R3HDM1: variants seen among roughly 807,000 people sequenced by gnomAD.
R3HDM1 encodes R3H domain-containing protein 1.
In R3HDM1, 46 loss-of-function variants were observed where a neutral mutation model predicts 141.1. The observed-to-expected ratio is 0.33, with a 90% CI of 0.26 to 0.42. The LOEUF (loss-of-function observed/expected upper bound fraction) is 0.42. R3HDM1 is among the 10% of genes least tolerant of loss of function. The pLI, the probability that R3HDM1 is intolerant of heterozygous loss-of-function variation, is 1.00. For synonymous variants in R3HDM1, 435 were observed against 472.9 expected (o/e 0.92, Z 1.04); for missense variants, 1,184 against 1,368.3 (o/e 0.87, Z 2.12).
chr2:135,626,025 A>G lies in R3HDM1; in HGVS notation c.497+3293A>G, dbSNP rs147598698. 3.0e-3 allele frequency among the ~76,000 whole-genome samples: 454 copies of G among 152,326 alleles called. 2 individuals carry two copies. The highest frequency in any genetic ancestry group is 0.01 in the African/African-American group (430 of 41,592). On this transcript the variant is annotated intron_variant, in intron 7 of 26. Transcript: ENST00000683871. ...GAACCCCAACTTGAAGCTGGTAGTC[A>G]GAAGTTCCAGAGGCCTAGACTTGGA...
chr2:135,644,679 T>C (rs1457313756), intron 15 of R3HDM1, among the ~76,000 whole-genome samples: 1 of 152,226 alleles, frequency 6.6e-6, no homozygotes, highest in Non-Finnish European at 1.5e-5. Context: ...AACTAATGAA[T>C]AACTTTCCAA....
chr2:135,651,769 G>A lies in R3HDM1; in HGVS notation c.1765G>A (p.Ala589Thr), dbSNP rs773930922. 6.2e-7 allele frequency: 1 copy of A among 1,613,632 alleles called. No homozygotes were observed. Among genetic ancestry groups the A allele is most frequent in the South Asian group, 1.1e-5 (1 of 90,964 alleles). ...GTCTCAGTTTAGCCACATGAGTCTTGCTCGCCAGCCATCTGCTGATGGTTC... is the reference window on the plus strand; with the variant it reads ...GTCTCAGTTTAGCCACATGAGTCTTACTCGCCAGCCATCTGCTGATGGTTC... Reference protein sequence around the residue: ...LGSQFSHMSLARQPSADGSDP... With the variant: ...LGSQFSHMSLTRQPSADGSDP... Residue 589 changes from alanine (A) to threonine (T), a missense_variant, in exon 18 of 27, where the codon GCT (alanine) becomes ACT (threonine). Physicochemically the swap from Ala to Thr is moderately conservative, Grantham distance 58. Around this residue, in one of 5 missense-constraint regions of R3HDM1, gnomAD observed 563 missense variants for 562.0 expected, o/e 1.00. Coordinates refer to ENST00000683871, the MANE Select transcript of R3HDM1 (RefSeq NM_001378107.1).
In R3HDM1 at chr2:135,709,523, C is replaced by T; in HGVS notation, c.2550C>T (p.Gly850=). ...CATGCAGTTCCCAGCAGCTTCAAGG[C>T]CACCAATGTACAGGTATAAAGAAAT... is the stretch of plus-strand genomic sequence containing the variant. The part of the protein sequence containing the change: ...TSPCSSQQLQ[G]HQCTAGPPPP... The change falls in exon 22 of 27, where the codon GGC becomes GGT. Residue 850 remains glycine, a synonymous_variant. Coordinates refer to ENST00000683871, the MANE Select transcript of R3HDM1 (RefSeq NM_001378107.1). 6.2e-7 allele frequency: 1 copy of T among 1,614,026 alleles called. No homozygotes were observed. The highest frequency in any genetic ancestry group is 8.5e-7 in the Non-Finnish European group (1 of 1,179,936).
chr2:135,534,556 T>G (rs544620274), intron 1 of R3HDM1, among the ~76,000 whole-genome samples: 2 of 152,188 alleles, frequency 1.3e-5, no homozygotes, highest in African/African-American at 4.8e-5. Flanking sequence ...TTAAACAAAT[T>G]TAAGGTTAGC....
intron 21 of R3HDM1, among the ~76,000 whole-genome samples, chr2:135,684,340 T>C (rs550045937): frequency 8.9e-4 from 136 of 152,250 alleles, no homozygotes; most frequent in African/African-American, 3.2e-3. Flanking sequence ...CCGCCCACCG[T>C]GGCCTCCCAA....
rs114378010 is a variant in R3HDM1 at position 135,621,029 on chromosome 2, A to G, written c.304-465A>G. On this transcript the variant is annotated intron_variant, in intron 5 of 26. Coordinates refer to ENST00000683871, the MANE Select transcript of R3HDM1 (RefSeq NM_001378107.1). ...TTTGTACTTAACATTTTTATATGGTAGGAGAATGAAGGAATGTGTGATTAT... is the reference window on the plus strand; with the variant it reads ...TTTGTACTTAACATTTTTATATGGTGGGAGAATGAAGGAATGTGTGATTAT... Among the ~76,000 whole-genome samples the G allele has an allele frequency of 4.1e-3, 620 of 152,192 alleles. 5 individuals are homozygous for G. Among genetic ancestry groups the G allele is most frequent in the African/African-American group, 0.014 (592 of 41,588 alleles).
chr2:135,532,011 G>GCTGCTGCCTCCGCGGCTGCTC (rs1694918156), intron 1 of R3HDM1, among the ~76,000 whole-genome samples: 1 of 152,220 alleles, frequency 6.6e-6, no homozygotes, highest in Non-Finnish European at 1.5e-5. Context: ...CATGGCTGCT[G>GCTGCTGCCTCCGCGGCTGCTC]CTGCTGCCTC....
intron 1 of R3HDM1, among the ~76,000 whole-genome samples, chr2:135,592,293 A>T (rs1227673478): frequency 6.6e-6 from 1 of 152,220 alleles, no homozygotes; most frequent in East Asian, 1.9e-4. Context: ...CCTACTAAGG[A>T]CAAAGGTCAG....
intron 18 of R3HDM1, among the ~76,000 whole-genome samples, chr2:135,657,758 T>C (rs907800621): frequency 2.2e-4 from 34 of 152,218 alleles, no homozygotes; most frequent in Admixed American, 2.2e-3. Flanking sequence ...CTGGATTAGG[T>C]ATTTATTCTT....
chr2:135,637,597 A>T (rs1369833035), intron 11 of R3HDM1, among the ~76,000 whole-genome samples: 1 of 152,142 alleles, frequency 6.6e-6, no homozygotes, highest in African/African-American at 2.4e-5. Context: ...GCAGTGACCC[A>T]AGATGGCACT....
At chr2:135,637,496 A>G (rs1014304821) in intron 11 of R3HDM1, among the ~76,000 whole-genome samples, 7 of 152,068 alleles carry the variant, frequency 4.6e-5, no homozygotes, top group African/African-American at 1.7e-4. Flanking sequence ...TCTCTACAAA[A>G]AATTAGCCAG....
rs777120522 is a variant in R3HDM1 at position 135,651,922 on chromosome 2, C to G, written c.1918C>G (p.Pro640Ala). The G allele has an allele frequency of 1.2e-6, 2 of 1,613,528 alleles. No individual in the cohort carries two copies. Among genetic ancestry groups the G allele is most frequent in the Non-Finnish European group, 1.7e-6 (2 of 1,179,656 alleles). ...GCCACCACCACCACCTCCTCCTCCT[C>G]CCCTACCACCTGGGCAGCCAGTCCC... Reference protein sequence around the residue: ...PPPPPPPPPPPLPPGQPVPTA... With the variant: ...PPPPPPPPPPALPPGQPVPTA... Residue 640 changes from proline (P) to alanine (A), a missense_variant, in exon 18 of 27, where the codon CCC becomes GCC. Coordinates refer to ENST00000683871, the MANE Select transcript of R3HDM1 (RefSeq NM_001378107.1).
Position 135,721,964 on chromosome 2 carries a change from C to T in R3HDM1, c.2922C>T (p.Tyr974=), listed in dbSNP as rs934055395. 1.2e-6 allele frequency: 2 copies of T among 1,613,776 alleles called. No homozygotes were observed. The highest frequency in any genetic ancestry group is 2.7e-5 in the African/African-American group (2 of 74,942). ...RYPLLGQPLQ[Y]NPPAVLHGHI... ...CATTACTTGGCCAGCCACTGCAGTA[C>T]AATCCTCCTGCTGTTCTGCACGGAC... is the stretch of plus-strand genomic sequence containing the variant. The change falls in exon 25 of 27, where the codon TAC becomes TAT. Residue 974 remains tyrosine (Y), a synonymous_variant. Transcript: ENST00000683871.
chr2:135,714,170 T>C (rs2075944299), intron 23 of R3HDM1, among the ~76,000 whole-genome samples: 1 of 152,172 alleles, frequency 6.6e-6, no homozygotes, highest in Non-Finnish European at 1.5e-5. Flanking sequence ...AGAAACCTGA[T>C]AGGCACCATG....
Position 135,663,155 on chromosome 2 carries a change from AT to A in R3HDM1, c.2152+1763del, listed in dbSNP as rs376789073. Among the ~76,000 whole-genome samples, 76 of 129,312 alleles carry A rather than the reference AT, an allele frequency of 5.9e-4. 2 individuals are homozygous for A. Among genetic ancestry groups the A allele is most frequent in the African/African-American group, 1.0e-3 (27 of 27,012 alleles). The allele number at this position is 129,312 out of a possible 152,430, so 84.8% of individuals were successfully genotyped here. A position where few individuals can be genotyped will look rare whatever the true frequency, so the allele number is the denominator to read the frequency against. On this transcript the variant is annotated intron_variant, in intron 19 of 26. Transcript: ENST00000683871. ...CTGCCAAAAAAAAAAAAAAAAAAAA[AT>A]ATGACACTTAATAGAATTCAACTAA...
chr2:135,602,764 A>C, intron 2 of R3HDM1, 56 bp downstream of exon 2: 1 of 1,354,642 alleles, frequency 7.4e-7, no homozygotes, highest in Middle Eastern at 2.3e-4. Context: ...TCTCACCTAT[A>C]AAAAGCAAGA....
intron 1 of R3HDM1, among the ~76,000 whole-genome samples, chr2:135,571,978 T>C (rs182957102): frequency 6.6e-6 from 1 of 151,474 alleles, no homozygotes; most frequent in Admixed American, 6.5e-5. Flanking sequence ...GTGTCTCACT[T>C]CGTCATCCAG....
Position 135,586,754 on chromosome 2 carries a change from C to T in R3HDM1, c.-249-15746C>T, listed in dbSNP as rs928332429. 11 of 985,070 alleles carry T rather than the reference C, an allele frequency of 1.1e-5. No individual in the cohort carries two copies. The African/African-American group carries it at 1.6e-4, about 14-fold the overall frequency. 61.0% of individuals were successfully genotyped at this position (985,070 alleles called of 1,614,324 possible). Reference sequence around the variant, plus strand: ...ACCAATTTCTTCTCCCCACCCCTCACATGTTTGATATTTCTTGTAACTTAC... The same window carrying T: ...ACCAATTTCTTCTCCCCACCCCTCATATGTTTGATATTTCTTGTAACTTAC... On this transcript the variant is annotated intron_variant, in intron 1 of 26. Coordinates refer to ENST00000683871, the MANE Select transcript of R3HDM1 (RefSeq NM_001378107.1).
intron 21 of R3HDM1, among the ~76,000 whole-genome samples, chr2:135,701,164 C>T (rs1029723183): frequency 1.3e-5 from 2 of 148,464 alleles, no homozygotes; most frequent in South Asian, 2.2e-4. Context: ...ATGGGAGAAT[C>T]GCTTGAGGCC....
Sources: allele counts gnomAD v4.1 joint callset (sites outside exome capture counted in the v4.1 genomes callset), GRCh38; gene constraint gnomAD v4.1.1; regional missense constraint gnomAD v4.1.1; transcripts MANE v1.5; gene names NCBI Gene and HGNC (gene_info 2026-07-23, HGNC 2026-07-21).